GGT5: variants seen among roughly 807,000 people sequenced by gnomAD.
GGT5 encodes gamma-glutamyltransferase 5.
A neutral mutation model predicts 58.1 loss-of-function variants in GGT5; 50 were observed. The observed-to-expected ratio is 0.86, with a 90% CI of 0.69 to 1.09. The LOEUF is 1.09. GGT5 is among the 50% of genes least tolerant of loss of function. The probability of loss-of-function intolerance (pLI) is 0.00; values close to 1 mark genes in which losing one functional copy is unlikely to be tolerated. For missense variants in GGT5, 800 were observed against 789.4 expected, an observed-to-expected ratio of 1.01 and a Z score of -0.16; for synonymous variants, 370 against 346.1, an observed-to-expected ratio of 1.07 and a Z score of -0.77.
chr22:24,235,881 G>A (rs1265983729), intron 1 of GGT5, among the ~76,000 whole-genome samples: 2 of 151,978 alleles, frequency 1.3e-5, no homozygotes. Context: ...GAGGGAATGG[G>A]CCAGGTCCCT....
At chr22:24,237,487 C>A (rs1169394922) in intron 1 of GGT5, among the ~76,000 whole-genome samples, 1 of 152,150 alleles carries the variant, frequency 6.6e-6, no homozygotes, top group Non-Finnish European at 1.5e-5. Flanking sequence ...CGGCTCACTG[C>A]AACCTTCACC....
At chr22:24,238,891 TTA>T (rs549567358) in intron 1 of GGT5, among the ~76,000 whole-genome samples, 1,018 of 9,592 alleles carry the variant, frequency 0.11, 83 homozygotes, top group African/African-American at 0.28. Context: ...ATTATATATT[TTA>T]TATATATATA....
In GGT5 at chr22:24,232,864, G is replaced by A. The variant is rs2148917365; in HGVS notation, c.555C>T (p.His185=). The part of the protein sequence containing the change: ...VVAPVLSRFL[H]NSILRPSLQA... ...GCAAGGAAGGCCGCAGGATGCTGTTGTGCAGGAAACGGCTGAGGACAGGGG... is the reference window on the plus strand; with the variant it reads ...GCAAGGAAGGCCGCAGGATGCTGTTATGCAGGAAACGGCTGAGGACAGGGG... The change falls in exon 4 of 12, where the codon CAC becomes CAT. Residue 185 remains histidine (H), a synonymous_variant. Transcript: ENST00000327365. 1 of 1,575,792 alleles carries A rather than the reference G, an allele frequency of 6.3e-7. No individual in the cohort carries two copies. The highest frequency in any genetic ancestry group is 8.6e-7 in the Non-Finnish European group (1 of 1,159,484).
chr22:24,238,923 ATAATATATAT>A (rs2048240097), intron 1 of GGT5, among the ~76,000 whole-genome samples: 1 of 23,874 alleles, frequency 4.2e-5, no homozygotes, highest in Non-Finnish European at 6.5e-5. Context: ...TATTATATAT[ATAATATATAT>A]TATATAATAT....
intron 11 of GGT5, among the ~76,000 whole-genome samples, chr22:24,222,592 T>C (rs533916594): frequency 7.8e-4 from 119 of 152,236 alleles, no homozygotes; most frequent in African/African-American, 2.8e-3. Flanking sequence ...ATTTACTCCA[T>C]GGAAAGCCCT....
At chr22:24,242,553 T>C (rs9612575) in intron 1 of GGT5, 85,714 of 152,260 alleles carry the variant, frequency 0.56, 24,485 homozygotes, top group African/African-American at 0.64. Flanking sequence ...GCCGAGATCA[T>C]GCCACTGCAC....
intron 1 of GGT5, among the ~76,000 whole-genome samples, chr22:24,238,265 C>T (rs1269325868): frequency 6.7e-6 from 1 of 149,758 alleles, no homozygotes; most frequent in South Asian, 2.1e-4. Context: ...CGCGGTGACT[C>T]ACGCCTGTAA....
chr22:24,231,585 A>T, intron 5 of GGT5, 55 bp from the exon 6 acceptor site: 1 of 1,535,220 alleles, frequency 6.5e-7, no homozygotes. Context: ...GGCGGGGAGG[A>T]ATAGCCACTG....
chr22:24,238,809 T>C (rs1346612713), intron 1 of GGT5, among the ~76,000 whole-genome samples: 1 of 2,198 alleles, frequency 4.5e-4, no homozygotes, highest in African/African-American at 2.1e-3. Context: ...ATATATATAA[T>C]ATATTATATA....
chr22:24,230,840 G>A (rs2047915550), intron 6 of GGT5, among the ~76,000 whole-genome samples: 1 of 152,146 alleles, frequency 6.6e-6, no homozygotes, highest in South Asian at 2.1e-4. Flanking sequence ...GCCCCCAATG[G>A]AATGCAGCCC....
chr22:24,236,323 C>T (rs1486059844), intron 1 of GGT5, among the ~76,000 whole-genome samples: 3 of 152,166 alleles, frequency 2.0e-5, no homozygotes, highest in African/African-American at 7.2e-5. Context: ...TCCTTCCCCA[C>T]ATCCAACCCA....
Position 24,226,074 on chromosome 22 carries a change from A to G in GGT5, c.1229+2T>C. 1 of 1,582,346 alleles carries G rather than the reference A, an allele frequency of 6.3e-7. No homozygotes were observed. The highest frequency in any genetic ancestry group is 1.7e-4 in the Middle Eastern group (1 of 5,946). ...ATCCGCCTTCCCCCAGGCCCTACGC[A>G]CGGTGTGTTGATGGTGCTGGTGGCA... On this transcript the variant is annotated splice_donor_variant, in intron 8 of 11. Coordinates refer to ENST00000327365, the MANE Select transcript of GGT5 (RefSeq NM_004121.5). LOFTEE classifies it high-confidence loss of function.
intron 6 of GGT5, among the ~76,000 whole-genome samples, chr22:24,228,075 A>G (rs866703332): frequency 6.8e-6 from 1 of 147,838 alleles, no homozygotes; most frequent in East Asian, 2.0e-4. Context: ...AACAAAACAA[A>G]AAAAAAAAAA....
chr22:24,228,729 C>T (rs185249067), intron 6 of GGT5, among the ~76,000 whole-genome samples: 35 of 150,376 alleles, frequency 2.3e-4, no homozygotes, highest in African/African-American at 8.0e-4. Context: ...GGATTACAGG[C>T]GTGAGCCACC....
At chr22:24,234,148 A>T in intron 1 of GGT5, 144 bp from the exon 2 acceptor site, 1 of 726,438 alleles carries the variant, frequency 1.4e-6, no homozygotes, top group East Asian at 2.7e-5. Flanking sequence ...GCAGAACACA[A>T]CCAGGCTTCC....
intron 1 of GGT5, among the ~76,000 whole-genome samples, chr22:24,237,229 G>A (rs1317473328): frequency 6.6e-6 from 1 of 151,884 alleles, no homozygotes; most frequent in East Asian, 1.9e-4. Flanking sequence ...CTACTCATGT[G>A]CTGAGGGAGG....
At chr22:24,223,338 T>C (rs1169561757) in intron 11 of GGT5, among the ~76,000 whole-genome samples, 2 of 151,364 alleles carry the variant, frequency 1.3e-5, no homozygotes, top group African/African-American at 4.9e-5. Context: ...GAAGCGGAGG[T>C]TGTGGTGAGG....
Position 24,220,077 on chromosome 22 carries a change from T to A in GGT5, c.1654A>T (p.Thr552Ser). 1 of 1,614,160 alleles carries A rather than the reference T, an allele frequency of 6.2e-7. No individual in the cohort carries two copies. The highest frequency in any genetic ancestry group is 1.1e-5 in the South Asian group (1 of 91,082). ...RGLQDRGQNQ[T>S]QRPFFLNVVQ... The stretch of plus-strand genomic sequence containing the variant: ...ACGTTCAGGAAGAAGGGCCTCTGGG[T>A]CTGGTTCTGGCCACGGTCTTGGAGT... The change falls in exon 12 of 12, where the codon ACC becomes TCC. Residue 552 changes from threonine (T) to serine (S), a missense_variant. By Grantham distance (58) the Thr-to-Ser change is moderately conservative. Coordinates refer to ENST00000327365, the MANE Select transcript of GGT5 (RefSeq NM_004121.5).
At chr22:24,221,969 A>G (rs2047602675) in intron 11 of GGT5, among the ~76,000 whole-genome samples, 1 of 151,348 alleles carries the variant, frequency 6.6e-6, no homozygotes, top group Admixed American at 6.6e-5. Context: ...ACCTGAGGTC[A>G]GGAGTTTGAG....
Sources: allele counts gnomAD v4.1 joint callset (sites outside exome capture counted in the v4.1 genomes callset), GRCh38; gene constraint gnomAD v4.1.1; transcripts MANE v1.5; gene names NCBI Gene and HGNC (gene_info 2026-07-23, HGNC 2026-07-21).